The following FN1 variants were observed in gnomAD, a reference collection of about 807,000 sequenced individuals.
The protein encoded by FN1 is fibronectin.
A neutral mutation model predicts 297.3 loss-of-function variants in FN1; 106 were observed. That is an observed-to-expected ratio of 0.36 (90% CI 0.30 to 0.42). The LOEUF is 0.42. Among genes scored for constraint, FN1 ranks in the 10% least tolerant of loss-of-function variants. The pLI is 1.00. For synonymous variants in FN1, 1,149 were observed against 1,152.6 expected (o/e 1.00, Z 0.06); for missense variants, 2,690 against 3,124.9 (o/e 0.86, Z 3.32).
At chr2:215,389,177 C>T (rs923304410) in intron 26 of FN1, among the ~76,000 whole-genome samples, 8 of 152,022 alleles carry the variant, frequency 5.3e-5, no homozygotes, top group African/African-American at 1.9e-4. Context: ...GATCTTGGCT[C>T]ACTGAAACCT....
rs776403679 is a variant in FN1, at chr2:215,361,972, G to A, written c.7359C>T (p.Asn2453=). 1.5e-5 allele frequency: 24 copies of A among 1,612,976 alleles called. No individual in the cohort carries two copies. The South Asian group carries it at 2.4e-4, about 16-fold the overall frequency. The stretch of plus-strand genomic sequence containing the variant: ...CTTGTGCTGCTAATGCACTTACAGT[G>A]TTTGTTCTCTGATGGTATCTCTGAG... ...QYSQRYHQRT[N]TNVNCPIECF... is the part of the protein sequence containing the mutation. The change falls in exon 45 of 46, where the codon AAC becomes AAT. Residue 2453 remains asparagine, a synonymous_variant. Coordinates refer to ENST00000354785, the MANE Select transcript of FN1 (RefSeq NM_212482.4).
At chr2:215,407,447 C>CT in intron 17 of FN1, 126 bp from the exon 18 acceptor site, 1 of 779,596 alleles carries the variant, frequency 1.3e-6, no homozygotes, top group Non-Finnish European at 2.3e-6. Context: ...GCCAGTGATA[C>CT]TTTTTGACTC....
intron 28 of FN1, among the ~76,000 whole-genome samples, chr2:215,385,543 C>CA (rs2058827364): frequency 7.6e-6 from 1 of 131,608 alleles, no homozygotes; most frequent in Non-Finnish European, 1.6e-5. Context: ...GCCTGGGCGA[C>CA]AGAGCAAGAC....
At chr2:215,430,098 C>T (rs2066231371) in intron 5 of FN1, among the ~76,000 whole-genome samples, 3 of 152,152 alleles carry the variant, frequency 2.0e-5, no homozygotes, top group African/African-American at 7.2e-5. Flanking sequence ...TAAATGGGTT[C>T]AGCTAGATAA....
chr2:215,432,949 C>G (rs1303284900), intron 3 of FN1, among the ~76,000 whole-genome samples: 1 of 152,156 alleles, frequency 6.6e-6, no homozygotes, highest in East Asian at 1.9e-4. Context: ...CCTTCCCAGT[C>G]ACTGCAGAAA....
At chr2:215,382,145 G>T in intron 32 of FN1, 67 bp downstream of exon 32, 4 of 924,432 alleles carry the variant, frequency 4.3e-6, no homozygotes, top group Non-Finnish European at 7.2e-6. Context: ...AAGACATGTC[G>T]TGGGCATTCA....
At chr2:215,411,235 G>A (rs1172156229) in intron 13 of FN1, among the ~76,000 whole-genome samples, 2 of 152,162 alleles carry the variant, frequency 1.3e-5, no homozygotes, top group East Asian at 1.9e-4. Context: ...AATAAAATGT[G>A]TATGAAAGAA....
In FN1 at chr2:215,391,822, C is replaced by G. The variant is rs768272940; in HGVS notation, c.4070-8G>C. On this transcript the variant is annotated splice_polypyrimidine_tract_variant and splice_region_variant and intron_variant, in intron 25 of 45. Transcript: ENST00000354785. ...CAGTGGGAGGAGGAACAGCTGGTTT[C>G]GAACAAGAAGGAAGACTCAGTTAAT... 6.2e-7 allele frequency: 1 copy of G among 1,613,406 alleles called. No homozygotes were observed. Among genetic ancestry groups the G allele is most frequent in the African/African-American group, 1.3e-5 (1 of 74,794 alleles).
chr2:215,361,593 A>C lies in FN1; in HGVS notation c.7396T>G (p.Leu2466Val). The change falls in exon 46 of 46, where the codon TTA (leucine) becomes GTA (valine). Residue 2466 changes from leucine to valine, a missense_variant. Physicochemically the swap from Leu to Val is conservative, Grantham distance 32. This residue lies in a region of FN1 where 1,743 missense variants were observed against 1,945.2 expected (regional missense o/e 0.90). Transcript: ENST00000354785. ...TCTTCTCTGTCAGCCTGTACATCTA[A>C]AGGCATGAAGCACTCAATTGGGCAA... ...VNCPIECFMP[L>V]DVQADREDSR... 1 of 1,612,868 alleles carries C rather than the reference A, an allele frequency of 6.2e-7. No homozygotes were observed. The highest frequency in any genetic ancestry group is 8.5e-7 in the Non-Finnish European group (1 of 1,178,830).
chr2:215,424,433 A>T, intron 7 of FN1, 108 bp from the exon 8 acceptor site: 1 of 845,760 alleles, frequency 1.2e-6, no homozygotes, highest in South Asian at 1.5e-5. Flanking sequence ...CCTCAAAGGA[A>T]GAAGCTATGA....
intron 27 of FN1, among the ~76,000 whole-genome samples, chr2:215,387,635 C>T (rs1259529376): frequency 6.6e-6 from 1 of 152,154 alleles, no homozygotes; most frequent in African/African-American, 2.4e-5. Flanking sequence ...TCAGTTACAG[C>T]ATTTACTAGT....
intron 23 of FN1, among the ~76,000 whole-genome samples, chr2:215,395,899 G>T (rs183222733): frequency 0.027 from 2,750 of 102,290 alleles, 88 homozygotes; most frequent in African/African-American, 0.082. Flanking sequence ...TAACAAGCAC[G>T]AAGATTGTCA....
Position 215,391,790 on chromosome 2 carries a change from C to A in FN1, c.4094G>T (p.Arg1365Leu). ...QTAVPPPTDL[R>L]FTNIGPDTMR... The stretch of plus-strand genomic sequence containing the variant: ...GGTGTCTGGACCAATGTTGGTGAAT[C>A]GCAGGTCAGTGGGAGGAGGAACAGC... Residue 1365 changes from arginine (R) to leucine (L), a missense_variant, in exon 26 of 46, where the codon CGA becomes CTA. By Grantham distance (102) the Arg-to-Leu change is moderately radical (BLOSUM62 -2). This residue lies in a region of FN1 where 1,743 missense variants were observed against 1,945.2 expected (regional missense o/e 0.90). Transcript: ENST00000354785. 1 of 1,613,946 alleles carries A rather than the reference C, an allele frequency of 6.2e-7. No homozygotes were observed. The highest frequency in any genetic ancestry group is 8.5e-7 in the Non-Finnish European group (1 of 1,179,958).
Position 215,370,318 on chromosome 2 carries a change from C to T in FN1, c.6829G>A (p.Glu2277Lys), listed in dbSNP as rs1023267477. Residue 2277 changes from glutamate to lysine, a missense_variant, in exon 41 of 46, where the codon GAG (glutamate) becomes AAG (lysine). Around this residue, in one of 3 missense-constraint regions of FN1, gnomAD observed 1,743 missense variants for 1,945.2 expected, o/e 0.90. Coordinates refer to ENST00000354785, the MANE Select transcript of FN1 (RefSeq NM_212482.4). ...CCAGAGTTGCCCACGGTAACAACCTCTTCCCGAACCTTATGCCTCTGCTGG... is the reference window on the plus strand; with the variant it reads ...CCAGAGTTGCCCACGGTAACAACCTTTTCCCGAACCTTATGCCTCTGCTGG... ...KDQQRHKVRE[E>K]VVTVGNSVNE... 20 of 1,613,940 alleles carry T rather than the reference C, an allele frequency of 1.2e-5. No individual in the cohort carries two copies. Among genetic ancestry groups the T allele is most frequent in the Non-Finnish European group, 1.5e-5 (18 of 1,180,024 alleles).
rs766846531 is a variant in FN1 at position 215,364,932 on chromosome 2, G to C, written c.7198C>G (p.Gln2400Glu). 8.2e-6 allele frequency: 13 copies of C among 1,578,158 alleles called. No individual in the cohort carries two copies. The highest frequency in any genetic ancestry group is 1.0e-5 in the Non-Finnish European group (12 of 1,160,830). Residue 2400 changes from glutamine to glutamate, a missense_variant, in exon 44 of 46, where the codon CAG (glutamine) becomes GAG (glutamate). Around this residue, in one of 3 missense-constraint regions of FN1, gnomAD observed 1,743 missense variants for 1,945.2 expected, o/e 0.90. Transcript: ENST00000354785. ...GKTYHVGEQW[Q>E]KEYLGAICSC... is the part of the protein sequence containing the mutation. ...CAAATGGCACCGAGATATTCCTTCT[G>C]CCACTGTTCTCCTACGTGGTATGTC...
At chr2:215,426,293 C>T (rs1316870810) in intron 6 of FN1, among the ~76,000 whole-genome samples, 1 of 151,270 alleles carries the variant, frequency 6.6e-6, no homozygotes, top group South Asian at 2.1e-4. Context: ...GGACTACAGG[C>T]ACCCGCCACC....
At chr2:215,427,431 G>A (rs918662884) in intron 6 of FN1, among the ~76,000 whole-genome samples, 1 of 152,152 alleles carries the variant, frequency 6.6e-6, no homozygotes. Context: ...GCACGTCCTT[G>A]TTGGCCATAT....
intron 9 of FN1, 59 bp from the exon 10 acceptor site, chr2:215,422,302 T>C: frequency 4.0e-6 from 6 of 1,510,136 alleles, no homozygotes; most frequent in Non-Finnish European, 4.6e-6. Flanking sequence ...TAAACATGTA[T>C]GTGTGCAAAA....
intron 41 of FN1, 40 bp from the exon 42 acceptor site, chr2:215,368,067 A>G (rs773892638): frequency 1.2e-6 from 2 of 1,603,940 alleles, no homozygotes; most frequent in Non-Finnish European, 1.7e-6. Context: ...GAGACATCTT[A>G]TTAATCGATT....
Sources: gnomAD v4.1 joint callset for allele counts (sites outside exome capture counted in the v4.1 genomes callset) on GRCh38, gnomAD v4.1.1 for gene constraint, gnomAD v4.1.1 regional missense constraint, MANE v1.5 for transcripts, NCBI Gene and HGNC (gene_info 2026-07-23, HGNC 2026-07-21) for gene names.